LRFN2: variants seen among roughly 807,000 people sequenced by gnomAD.
LRFN2 encodes leucine rich repeat and fibronectin type III domain containing 2.
LRFN2 carries 18 observed loss-of-function variants against 37.3 expected under a neutral mutation model. The ratio of observed to expected loss-of-function variants is 0.48; its 90% CI spans 0.33 to 0.72. The LOEUF (loss-of-function observed/expected upper bound fraction) is 0.72. LRFN2 is among the 30% of genes least tolerant of loss of function. The pLI is 0.02. For synonymous variants in LRFN2, 556 were observed against 466.6 expected (o/e 1.19, Z -2.47); for missense variants, 1,006 against 1,060.7 (o/e 0.95, Z 0.72).
At chr6:40,512,512 T>G (rs1765737008) in intron 1 of LRFN2, among the ~76,000 whole-genome samples, 1 of 152,196 alleles carries the variant, frequency 6.6e-6, no homozygotes, top group Admixed American at 6.5e-5. Flanking sequence ...ACACCCTGAT[T>G]GCAGAGATTC....
At chr6:40,393,100 T>G (rs1358067471) in intron 2 of LRFN2, among the ~76,000 whole-genome samples, 188 bp from the exon 3 acceptor site, 37 of 109,818 alleles carry the variant, frequency 3.4e-4, no homozygotes, top group South Asian at 6.3e-4. Flanking sequence ...TGAAGAGACA[T>G]GGAAGGAGAG....
rs148512906 is a variant in LRFN2, at chr6:40,442,566, G to A, written c.-18-9435C>T. ...GCTGGGGCTCCCTGAGGACGGGGCCGCGTCTCCCCTCAGACTGGGGCTCTC... is the reference window on the plus strand; with the variant it reads ...GCTGGGGCTCCCTGAGGACGGGGCCACGTCTCCCCTCAGACTGGGGCTCTC... On this transcript the variant is annotated intron_variant, in intron 1 of 2. Coordinates refer to ENST00000338305, the MANE Select transcript of LRFN2 (RefSeq NM_020737.3). 7.6e-4 allele frequency among the ~76,000 whole-genome samples: 115 copies of A among 151,812 alleles called. 2 individuals are homozygous for A. In the East Asian group the frequency reaches 0.02, roughly 26 times the overall value.
At chr6:40,428,990 C>T (rs954395960) in intron 2 of LRFN2, among the ~76,000 whole-genome samples, 1 of 152,172 alleles carries the variant, frequency 6.6e-6, no homozygotes, top group Admixed American at 6.6e-5. Flanking sequence ...AGTACTACTA[C>T]TAGTATTGAT....
At chr6:40,409,444 T>C (rs1468859474) in intron 2 of LRFN2, among the ~76,000 whole-genome samples, 1 of 152,250 alleles carries the variant, frequency 6.6e-6, no homozygotes, top group Non-Finnish European at 1.5e-5. Context: ...CTATGATATT[T>C]GTTCAGTACA....
At chr6:40,577,111 T>TCTTCTCTTCTCTTCTCTTCTCC (rs1767299476) in intron 1 of LRFN2, among the ~76,000 whole-genome samples, 1 of 148,944 alleles carries the variant, frequency 6.7e-6, no homozygotes, top group African/African-American at 2.5e-5. Flanking sequence ...TTCCTTTCTT[T>TCTTCTCTTCTCTTCTCTTCTCC]TCTTTTTAGA....
chr6:40,460,616 T>G (rs1764326769), intron 1 of LRFN2, among the ~76,000 whole-genome samples: 2 of 152,190 alleles, frequency 1.3e-5, no homozygotes, highest in South Asian at 4.1e-4. Context: ...CTGGCTTATG[T>G]AGCAAGAGCA....
intron 1 of LRFN2, among the ~76,000 whole-genome samples, chr6:40,568,810 C>T (rs1171878481): frequency 6.6e-6 from 1 of 151,926 alleles, no homozygotes; most frequent in African/African-American, 2.4e-5. Flanking sequence ...TAACCTCCGC[C>T]TCCTGGGTTC....
intron 2 of LRFN2, among the ~76,000 whole-genome samples, chr6:40,404,412 T>C (rs970619467): frequency 3.9e-5 from 6 of 152,244 alleles, no homozygotes; most frequent in Non-Finnish European, 8.8e-5. Flanking sequence ...ATGAATATTC[T>C]ACACTGCACT....
chr6:40,450,384 A>G (rs1188375755), intron 1 of LRFN2, among the ~76,000 whole-genome samples: 2 of 152,232 alleles, frequency 1.3e-5, no homozygotes, highest in Non-Finnish European at 1.5e-5. Context: ...GGCAGGTGAC[A>G]TTTGTTGGTA....
chr6:40,463,444 C>T (rs71573309), intron 1 of LRFN2, among the ~76,000 whole-genome samples: 1 of 152,114 alleles, frequency 6.6e-6, no homozygotes, highest in Non-Finnish European at 1.5e-5. Flanking sequence ...AACAATGATA[C>T]TACTCTGGCT....
At chr6:40,514,552 T>A (rs1765804998) in intron 1 of LRFN2, among the ~76,000 whole-genome samples, 1 of 152,108 alleles carries the variant, frequency 6.6e-6, no homozygotes, top group Non-Finnish European at 1.5e-5. Context: ...TGACCTCAGG[T>A]GATCTGCCCG....
chr6:40,558,507 C>T (rs1000820470), intron 1 of LRFN2, among the ~76,000 whole-genome samples: 1 of 152,050 alleles, frequency 6.6e-6, no homozygotes, highest in Admixed American at 6.6e-5. Flanking sequence ...AGTCAGTGAG[C>T]TGAGGGTGAA....
At chr6:40,573,351 G>A (rs1767219818) in intron 1 of LRFN2, among the ~76,000 whole-genome samples, 1 of 152,242 alleles carries the variant, frequency 6.6e-6, no homozygotes, top group African/African-American at 2.4e-5. Context: ...CAGATGGCCT[G>A]GGTGCCAGTC....
Position 40,392,617 on chromosome 6 carries a change from T to C in LRFN2, c.1696A>G (p.Ser566Gly). The C allele has an allele frequency of 6.2e-7, 1 of 1,610,828 alleles. No homozygotes were observed. Among genetic ancestry groups the C allele is most frequent in the Non-Finnish European group, 8.5e-7 (1 of 1,179,966 alleles). ...TTGCTCACGGCCGCTGCCATCTTGC[T>C]GGGGGCCTCGTGGTTGCAGACCTTG... ...RYKVCNHEAP[S>G]KMAAAVSNVY... The change falls in exon 3 of 3, where the codon AGC becomes GGC. Residue 566 changes from serine to glycine, a missense_variant. Physicochemically the swap from Ser to Gly is moderately conservative, Grantham distance 56. Around this residue, in one of 4 missense-constraint regions of LRFN2, gnomAD observed 398 missense variants for 327.6 expected, o/e 1.21. Coordinates refer to ENST00000338305, the MANE Select transcript of LRFN2 (RefSeq NM_020737.3). The surrounding 1 kb of genome is among the most constrained non-coding windows in gnomAD (Gnocchi z 4.7).
intron 1 of LRFN2, among the ~76,000 whole-genome samples, chr6:40,451,093 T>C (rs985138481): frequency 6.6e-6 from 1 of 152,256 alleles, no homozygotes; most frequent in Non-Finnish European, 1.5e-5. Context: ...ACATGTGTGA[T>C]ATAATCTAGG....
chr6:40,457,046 G>A (rs1046938848), intron 1 of LRFN2, among the ~76,000 whole-genome samples: 9 of 151,674 alleles, frequency 5.9e-5, no homozygotes, highest in African/African-American at 2.2e-4. Context: ...CACCTCCCCT[G>A]CACCCCTCCC....
At chr6:40,450,918 C>T (rs1345876326) in intron 1 of LRFN2, among the ~76,000 whole-genome samples, 1 of 152,198 alleles carries the variant, frequency 6.6e-6, no homozygotes, top group Non-Finnish European at 1.5e-5. Flanking sequence ...ATTTCAGAAG[C>T]TTTGTCATGA....
chr6:40,577,590 C>A (rs1231358613), intron 1 of LRFN2, among the ~76,000 whole-genome samples: 1 of 101,798 alleles, frequency 9.8e-6, no homozygotes, highest in Non-Finnish European at 2.0e-5. Flanking sequence ...CCCCTCCCCC[C>A]ACCCCACCAC....
intron 1 of LRFN2, among the ~76,000 whole-genome samples, chr6:40,516,835 A>C (rs1417011022): frequency 6.6e-6 from 1 of 152,058 alleles, no homozygotes; most frequent in Admixed American, 6.6e-5. Flanking sequence ...CCTCCCCTCT[A>C]TGGAGCTCAT....
Sources: gnomAD v4.1 joint callset for allele counts (sites outside exome capture counted in the v4.1 genomes callset) on GRCh38, gnomAD v4.1.1 for gene constraint, gnomAD v4.1.1 regional missense constraint, Gnocchi (gnomAD v3.1) non-coding constraint, MANE v1.5 for transcripts, NCBI Gene and HGNC (gene_info 2026-07-23, HGNC 2026-07-21) for gene names.